CACNA2D3: variants seen among roughly 807,000 people sequenced by gnomAD.
The protein encoded by CACNA2D3 is calcium voltage-gated channel auxiliary subunit alpha2delta 3, also known as voltage-dependent calcium channel subunit alpha-2/delta-3.
Under a neutral mutation model 160.6 loss-of-function variants are expected in CACNA2D3, and 60 were observed. The ratio of observed to expected loss-of-function variants is 0.37; its 90% confidence interval spans 0.30 to 0.46. CACNA2D3 has a LOEUF of 0.46. Ranked by LOEUF, CACNA2D3 falls within the 20% of genes least tolerant of loss-of-function variation. CACNA2D3 has a pLI of 1.00. For synonymous variants in CACNA2D3, 558 were observed against 492.9 expected, an observed-to-expected ratio of 1.13 and a Z score of -1.75; for missense variants, 1,205 against 1,365.0, an observed-to-expected ratio of 0.88 and a Z score of 1.85.
At chr3:55,002,198 G>A (rs1324546741) in intron 31 of CACNA2D3, among the ~76,000 whole-genome samples, 2 of 151,552 alleles carry the variant, frequency 1.3e-5, no homozygotes, top group African/African-American at 2.4e-5. Context: ...ATATACGACA[G>A]GACCAACTTT....
At chr3:54,730,163 A>G (rs570590834) in intron 11 of CACNA2D3, among the ~76,000 whole-genome samples, 1 of 152,352 alleles carries the variant, frequency 6.6e-6, no homozygotes, top group Admixed American at 6.5e-5. Flanking sequence ...ATAGACCTGC[A>G]TCTTTGACAC....
At chr3:54,386,621 A>T in intron 3 of CACNA2D3, 94 bp from the exon 4 acceptor site, 1 of 1,152,978 alleles carries the variant, frequency 8.7e-7, no homozygotes. Flanking sequence ...ATGAACCACG[A>T]TATAATATGT....
At chr3:54,149,931 CCCT>C (rs1700113386) in intron 2 of CACNA2D3, among the ~76,000 whole-genome samples, 1 of 47,080 alleles carries the variant, frequency 2.1e-5, no homozygotes. Context: ...CTCTCTCTCT[CCCT>C]CCCTCCCTCC....
chr3:54,450,665 A>AC (rs1160192832), intron 4 of CACNA2D3, among the ~76,000 whole-genome samples: 3 of 152,098 alleles, frequency 2.0e-5, no homozygotes, highest in Non-Finnish European at 4.4e-5. Context: ...GCATGTGGTC[A>AC]CTGCACACGC....
chr3:54,951,588 C>T (rs1346756590), intron 27 of CACNA2D3, among the ~76,000 whole-genome samples: 2 of 152,184 alleles, frequency 1.3e-5, no homozygotes, highest in African/African-American at 4.8e-5. Context: ...CACTGAGAAC[C>T]ACAGGAGAGC....
chr3:54,345,837 TTTTTTTTTA>T (rs1698447919), intron 3 of CACNA2D3, among the ~76,000 whole-genome samples: 1 of 145,188 alleles, frequency 6.9e-6, no homozygotes, highest in South Asian at 2.2e-4. Flanking sequence ...GATGCTCTTT[TTTTTTTTTA>T]AAAAAATTGC....
At chr3:54,749,645 G>A (rs1281260134) in intron 11 of CACNA2D3, among the ~76,000 whole-genome samples, 1 of 152,006 alleles carries the variant, frequency 6.6e-6, no homozygotes, top group Non-Finnish European at 1.5e-5. Context: ...CTTTTCTTCT[G>A]TGGTCAGTTG....
chr3:54,880,800 G>C lies in CACNA2D3; in HGVS notation c.1849G>C (p.Gly617Arg). ...TDIKGTPFSLGVALSRGHGKY... is the reference protein window; with the variant it reads ...TDIKGTPFSLRVALSRGHGKY... ...TTGCTTTGTCTCTCTGCACAGTTTA[G>C]GTGTGGCGCTTTCCAGAGGTCATGG... The change falls in exon 21 of 38, where the codon GGT becomes CGT. Residue 617 changes from glycine (G) to arginine (R), a missense_variant. By Grantham distance (125) the Gly-to-Arg change is moderately radical (BLOSUM62 -2). This residue lies in a region of CACNA2D3 where 911 missense variants were observed against 1,002.2 expected (regional missense o/e 0.91). Coordinates refer to ENST00000474759, the MANE Select transcript of CACNA2D3 (RefSeq NM_018398.3). 1 of 1,613,654 alleles carries C rather than the reference G, an allele frequency of 6.2e-7. No individual in the cohort carries two copies. The highest frequency in any genetic ancestry group is 8.5e-7 in the Non-Finnish European group (1 of 1,179,578).
chr3:54,466,684 A>T (rs1165778914), intron 4 of CACNA2D3, among the ~76,000 whole-genome samples: 1 of 152,228 alleles, frequency 6.6e-6, no homozygotes, highest in African/African-American at 2.4e-5. Flanking sequence ...AGTATGACTG[A>T]TATAAAATAG....
chr3:54,449,712 T>C (rs1700276230), intron 4 of CACNA2D3, among the ~76,000 whole-genome samples: 1 of 152,198 alleles, frequency 6.6e-6, no homozygotes, highest in South Asian at 2.1e-4. Context: ...TTGTCCCTGC[T>C]CTGCCATGTA....
intron 13 of CACNA2D3, among the ~76,000 whole-genome samples, chr3:54,800,078 C>A (rs533879958): frequency 6.6e-6 from 1 of 152,322 alleles, no homozygotes; most frequent in South Asian, 2.1e-4. Flanking sequence ...CAACTGGAAG[C>A]AGTCACAATG....
chr3:54,237,524 T>G (rs1307314695), intron 2 of CACNA2D3, among the ~76,000 whole-genome samples: 11 of 152,222 alleles, frequency 7.2e-5, no homozygotes, highest in Admixed American at 4.6e-4. Flanking sequence ...AGCATTTTTA[T>G]AGATTTACAC....
At chr3:54,975,514 T>G (rs919455203) in intron 29 of CACNA2D3, among the ~76,000 whole-genome samples, 1 of 119,834 alleles carries the variant, frequency 8.3e-6, no homozygotes, top group African/African-American at 3.3e-5. Context: ...GAGTGAGACT[T>G]GGTCTCCAAA....
intron 2 of CACNA2D3, among the ~76,000 whole-genome samples, chr3:54,290,918 G>T (rs572122135): frequency 2.6e-5 from 4 of 152,002 alleles, no homozygotes; most frequent in African/African-American, 9.7e-5. Flanking sequence ...GTGGGGTAGC[G>T]GGGGGTGAGG....
At chr3:54,812,305 AACTTT>A (rs1382224860) in intron 13 of CACNA2D3, among the ~76,000 whole-genome samples, 2 of 152,212 alleles carry the variant, frequency 1.3e-5, no homozygotes, top group African/African-American at 2.4e-5. Flanking sequence ...GCATGGCAAT[AACTTT>A]GCTACCAATT....
At chr3:54,264,279 T>C (rs1223574868) in intron 2 of CACNA2D3, among the ~76,000 whole-genome samples, 4 of 152,196 alleles carry the variant, frequency 2.6e-5, no homozygotes, top group Non-Finnish European at 5.9e-5. Flanking sequence ...TCTGCTCTTG[T>C]GTTGAAAAAC....
At chr3:54,915,956 T>A (rs1482944486) in intron 27 of CACNA2D3, among the ~76,000 whole-genome samples, 1 of 152,224 alleles carries the variant, frequency 6.6e-6, no homozygotes, top group African/African-American at 2.4e-5. Context: ...AGGATTCTAG[T>A]CACGTTCAGG....
chr3:54,250,901 T>A (rs1469022741), intron 2 of CACNA2D3, among the ~76,000 whole-genome samples: 1 of 151,752 alleles, frequency 6.6e-6, no homozygotes, highest in East Asian at 1.9e-4. Context: ...AGCTGGGTAG[T>A]GAGTTGGTTT....
At chr3:54,518,926 C>A (rs1417632371) in intron 5 of CACNA2D3, among the ~76,000 whole-genome samples, 1 of 80,108 alleles carries the variant, frequency 1.2e-5, no homozygotes, top group Non-Finnish European at 2.5e-5. Flanking sequence ...GAGGAATTAA[C>A]AAGTATATGT....
Sources: gnomAD v4.1 joint callset for allele counts (sites outside exome capture counted in the v4.1 genomes callset) on GRCh38, gnomAD v4.1.1 for gene constraint, gnomAD v4.1.1 regional missense constraint, MANE v1.5 for transcripts, NCBI Gene and HGNC (gene_info 2026-07-23, HGNC 2026-07-21) for gene names.